ZFR: variants seen among roughly 807,000 people sequenced by gnomAD.
ZFR encodes zinc finger RNA binding protein.
A neutral mutation model predicts 130.7 loss-of-function variants in ZFR; 19 were observed. The ratio of observed to expected loss-of-function variants is 0.15; its 90% CI spans 0.10 to 0.21. The LOEUF (loss-of-function observed/expected upper bound fraction) is 0.21. ZFR is among the 10% of genes least tolerant of loss of function. The probability of loss-of-function intolerance (pLI) is 1.00; values close to 1 mark genes in which losing one functional copy is unlikely to be tolerated. For missense variants in ZFR, 872 were observed against 1,321.5 expected, an observed-to-expected ratio of 0.66 and a Z score of 5.27; for synonymous variants, 466 against 456.9, an observed-to-expected ratio of 1.02 and a Z score of -0.25.
intron 2 of ZFR, among the ~76,000 whole-genome samples, chr5:32,439,804 T>TAAAAAAAAAAAAAAAA (rs11446399): frequency 1.4e-5 from 1 of 72,460 alleles, no homozygotes; most frequent in Non-Finnish European, 2.5e-5. Context: ...ACCATGTCTT[T>TAAAAAAAAAAAAAAAA]AAAAAAAAAA....
chr5:32,379,491 T>A (rs376403415), intron 16 of ZFR: 4 of 226,202 alleles, frequency 1.8e-5, no homozygotes, highest in Non-Finnish European at 3.5e-5. Flanking sequence ...ACAGTAAACT[T>A]AAAAAAAAAA....
chr5:32,443,776 G>A (rs1754527337), intron 2 of ZFR, among the ~76,000 whole-genome samples: 1 of 152,264 alleles, frequency 6.6e-6, no homozygotes, highest in African/African-American at 2.4e-5. Flanking sequence ...CGCACGAGAA[G>A]CCAGTGGACC....
At chr5:32,443,867 G>A (rs1033266028) in intron 2 of ZFR, among the ~76,000 whole-genome samples, 11 of 152,250 alleles carry the variant, frequency 7.2e-5, no homozygotes, top group African/African-American at 2.7e-4. Flanking sequence ...GGTGGGGGCT[G>A]GACGCGCGGA....
At chr5:32,392,922 G>C (rs1477984146) in intron 11 of ZFR, among the ~76,000 whole-genome samples, 2 of 152,304 alleles carry the variant, frequency 1.3e-5, no homozygotes, top group African/African-American at 4.8e-5. Context: ...TTAAACTCAG[G>C]AGGTGGAGAG....
chr5:32,356,771 T>C (rs1417071462), intron 19 of ZFR, among the ~76,000 whole-genome samples: 4 of 152,190 alleles, frequency 2.6e-5, no homozygotes, highest in African/African-American at 9.7e-5. Context: ...AAGATGTTTC[T>C]GTGCACTTAA....
At chr5:32,367,593 T>C (rs922889553) in intron 17 of ZFR, among the ~76,000 whole-genome samples, 1 of 152,128 alleles carries the variant, frequency 6.6e-6, no homozygotes, top group Non-Finnish European at 1.5e-5. Context: ...TTTTTATTTT[T>C]AGTAGAGATG....
chr5:32,358,799 A>G (rs1752369400), intron 19 of ZFR, among the ~76,000 whole-genome samples: 2 of 152,192 alleles, frequency 1.3e-5, no homozygotes, highest in African/African-American at 4.8e-5. Context: ...AGCAGAACTG[A>G]GAGCCAAAAA....
chr5:32,441,940 T>C (rs1754484405), intron 2 of ZFR, among the ~76,000 whole-genome samples: 1 of 120,284 alleles, frequency 8.3e-6, no homozygotes, highest in Non-Finnish European at 1.7e-5. Context: ...TTTAAACTTT[T>C]CAGTTTCAAG....
rs1026162669 is a variant in ZFR, at chr5:32,356,003, A to C, written c.3046-64T>G. ...AACCCCAAGTAGTAATACTTACTAC[A>C]TTTACCTCCCTCCAAATGCAACCTA... On this transcript the variant is annotated intron_variant, in intron 19 of 19. Coordinates refer to ENST00000265069, the MANE Select transcript of ZFR (RefSeq NM_016107.5). 12 of 1,302,412 alleles carry C rather than the reference A, an allele frequency of 9.2e-6. No homozygotes were observed. In the Middle Eastern group the frequency reaches 5.8e-4, roughly 63 times the overall value. The allele number at this position is 1,302,412 out of a possible 1,614,324, so 80.7% of individuals were successfully genotyped here.
At chr5:32,375,675 T>C (rs1752788379) in intron 17 of ZFR, among the ~76,000 whole-genome samples, 1 of 151,754 alleles carries the variant, frequency 6.6e-6, no homozygotes. Context: ...CCGGGCTAAT[T>C]TTTCTATCTT....
At chr5:32,432,903 T>G (rs1382545717) in intron 2 of ZFR, among the ~76,000 whole-genome samples, 1 of 151,722 alleles carries the variant, frequency 6.6e-6, no homozygotes, top group African/African-American at 2.4e-5. Flanking sequence ...TAATTGTTTT[T>G]TTTTTTTTTA....
chr5:32,444,664 C>T lies in ZFR; in HGVS notation c.-6G>A, dbSNP rs950286462. On this transcript the variant is annotated 5_prime_UTR_variant, in exon 1 of 20. Coordinates refer to ENST00000265069, the MANE Select transcript of ZFR (RefSeq NM_016107.5). ...ACAGGGCATATGGGAATCATGGGCT[C>T]GGGCTGCTGCTGCTGAACTCTGAAC... The T allele has an allele frequency of 8.6e-6, 13 of 1,510,894 alleles. No homozygotes were observed. Among genetic ancestry groups the T allele is most frequent in the South Asian group, 2.5e-5 (2 of 79,520 alleles). 93.6% of individuals were successfully genotyped at this position (1,510,894 alleles called of 1,614,324 possible).
chr5:32,388,121 T>C (rs10472806), intron 13 of ZFR, among the ~76,000 whole-genome samples: 32,591 of 152,108 alleles, frequency 0.21, 4,172 homozygotes, highest in African/African-American at 0.36. Flanking sequence ...GAAATAGTTA[T>C]TAAAACAAAG....
In ZFR at chr5:32,407,952, A is replaced by C. The variant is rs914011177; in HGVS notation, c.785-931T>G. ...TATCTGTTTTCCTACAATGCTTTTTATAAGAAATGTACATTTGTTTGCCAG... is the reference window on the plus strand; with the variant it reads ...TATCTGTTTTCCTACAATGCTTTTTCTAAGAAATGTACATTTGTTTGCCAG... On this transcript the variant is annotated intron_variant, in intron 5 of 19. Transcript: ENST00000265069. Among the ~76,000 whole-genome samples the C allele has an allele frequency of 1.3e-5, 2 of 152,158 alleles. 1 individual carries two copies. Among genetic ancestry groups the C allele is most frequent in the Non-Finnish European group, 2.9e-5 (2 of 68,008 alleles).
At chr5:32,360,633 T>C (rs1253346861) in intron 19 of ZFR, among the ~76,000 whole-genome samples, 5 of 151,730 alleles carry the variant, frequency 3.3e-5, no homozygotes, top group South Asian at 4.1e-4. Flanking sequence ...TTTTGAATAT[T>C]TGTGTACAAG....
chr5:32,386,304 G>A (rs1342128737), intron 14 of ZFR, among the ~76,000 whole-genome samples: 1 of 152,004 alleles, frequency 6.6e-6, no homozygotes, highest in East Asian at 1.9e-4. Context: ...TAACCTATAG[G>A]GTGGCTGGAA....
At chr5:32,378,341 G>A (rs547908429) in intron 17 of ZFR, among the ~76,000 whole-genome samples, 64 of 152,158 alleles carry the variant, frequency 4.2e-4, no homozygotes, top group Non-Finnish European at 6.3e-4. Flanking sequence ...TCTAAGATGA[G>A]ATTTGTTAAG....
At chr5:32,393,367 G>C (rs1753224221) in intron 11 of ZFR, among the ~76,000 whole-genome samples, 1 of 150,098 alleles carries the variant, frequency 6.7e-6, no homozygotes. Flanking sequence ...TTTTGAGACG[G>C]AGTTTTGTTC....
At position 32,366,704 on chromosome 5, in the gene ZFR, A is replaced by G. The variant is rs1054044078; in HGVS notation, c.2836-2429T>C. Among the ~76,000 whole-genome samples the G allele has an allele frequency of 3.3e-5, 5 of 152,292 alleles. No homozygotes were observed. In the South Asian group the frequency reaches 6.2e-4, roughly 19 times the overall value. ...AGTAAAAAGATAATATCAAAAATAA[A>G]TAGAATCAAATTAAGGATTACAACA... On this transcript the variant is annotated intron_variant, in intron 17 of 19. Coordinates refer to ENST00000265069, the MANE Select transcript of ZFR (RefSeq NM_016107.5).
Sources: gnomAD v4.1 joint callset for allele counts (sites outside exome capture counted in the v4.1 genomes callset) on GRCh38, gnomAD v4.1.1 for gene constraint, MANE v1.5 for transcripts, NCBI Gene and HGNC (gene_info 2026-07-23, HGNC 2026-07-21) for gene names.